Variants in DCTN1 observed in about 807,000 individuals in gnomAD.
DCTN1 encodes 150 kDa dynein-associated polypeptide.
In DCTN1, 61 loss-of-function variants were observed where a neutral mutation model predicts 161.2. The observed-to-expected ratio is 0.38, with a 90% CI of 0.31 to 0.47. DCTN1 has a LOEUF of 0.47. Among genes scored for constraint, DCTN1 ranks in the 20% least tolerant of loss-of-function variants. The pLI, the probability that DCTN1 is intolerant of heterozygous loss-of-function variation, is 0.99. For synonymous variants in DCTN1, 653 were observed against 632.4 expected (o/e 1.03, Z -0.49); for missense variants, 1,404 against 1,623.7 (o/e 0.86, Z 2.33).
chr2:74,380,370 C>G (rs1452590010), upstream of DCTN1: 1 of 513,502 alleles, frequency 1.9e-6, no homozygotes, highest in Admixed American at 2.5e-5. Context: ...CCTAGTGCCC[C>G]CCTGCTTCAC....
Position 74,370,189 on chromosome 2 carries a change from C to T in DCTN1, c.1284G>A (p.Glu428=). 1 of 1,613,830 alleles carries T rather than the reference C, an allele frequency of 6.2e-7. No individual in the cohort carries two copies. Among genetic ancestry groups the T allele is most frequent in the East Asian group, 2.2e-5 (1 of 44,880 alleles). Residue 428 remains glutamate, a synonymous_variant, in exon 12 of 32, where the codon GAG becomes GAA. Coordinates refer to ENST00000628224, the MANE Select transcript of DCTN1 (RefSeq NM_004082.5). This position sits in a 1 kb window ranked among gnomAD's most constrained non-coding sequence, Gnocchi z 4.4. Reference sequence around the variant, plus strand: ...TGAGGGGCTGGGCTCCCCAGACCTGCTCCTTGAGCTCATCAATGGTGCTCT... The same window carrying T: ...TGAGGGGCTGGGCTCCCCAGACCTGTTCCTTGAGCTCATCAATGGTGCTCT... The part of the protein sequence containing the change: ...QAESTIDELK[E]QVDAALGAEE...
chr2:74,375,691 C>A (rs1265620379), intron 5 of DCTN1, among the ~76,000 whole-genome samples: 3 of 152,130 alleles, frequency 2.0e-5, no homozygotes, highest in Non-Finnish European at 4.4e-5. Context: ...AAGGACAAAG[C>A]CAAGTTTCTA....
chr2:74,391,609 A>G, intron 1 of DCTN1: 1 of 354,548 alleles, frequency 2.8e-6, no homozygotes, highest in South Asian at 2.1e-5. Context: ...TAGGCTGAAG[A>G]GCTGAGGTGG....
intron 3 of DCTN1, 88 bp from the exon 4 acceptor site, chr2:74,377,554 AATCTT>A (rs1490072809): frequency 6.5e-7 from 1 of 1,530,120 alleles, no homozygotes; most frequent in Admixed American, 1.7e-5. Flanking sequence ...GACGGAAAAA[AATCTT>A]AGGATCTACT....
chr2:74,382,938 G>A (rs1399257754), upstream of DCTN1, among the ~76,000 whole-genome samples: 3 of 151,646 alleles, frequency 2.0e-5, no homozygotes, highest in Non-Finnish European at 2.9e-5. Context: ...AGCCGGGCGC[G>A]GTGGCGGGCG....
At chr2:74,380,645 C>A, upstream of DCTN1, 1 of 455,002 alleles carries the variant, frequency 2.2e-6, no homozygotes, top group Non-Finnish European at 4.6e-6. Flanking sequence ...TTCTCTCTCC[C>A]TCCCCTCTCT....
At chr2:74,362,023 C>A (rs930219634) in intron 31 of DCTN1, 29 bp downstream of exon 31, 1 of 1,609,572 alleles carries the variant, frequency 6.2e-7, no homozygotes, top group South Asian at 1.1e-5. Context: ...TCCACACTGT[C>A]CCATCCTCCA....
intron 5 of DCTN1, among the ~76,000 whole-genome samples, chr2:74,375,371 A>G (rs1381147377): frequency 6.6e-6 from 1 of 152,242 alleles, no homozygotes; most frequent in East Asian, 1.9e-4. Flanking sequence ...GGGTGAGAGC[A>G]GGGGCCCTCT....
chr2:74,364,477 C>T, intron 26 of DCTN1: 1 of 169,488 alleles, frequency 5.9e-6, no homozygotes, highest in Admixed American at 5.4e-5. Context: ...AAGACAGCAG[C>T]AGCCACCTCC....
chr2:74,365,105 T>C lies in DCTN1; in HGVS notation c.3166A>G (p.Ile1056Val), dbSNP rs757971189. 1.9e-6 allele frequency: 3 copies of C among 1,613,992 alleles called. No homozygotes were observed. Among genetic ancestry groups the C allele is most frequent in the East Asian group, 2.2e-5 (1 of 44,894 alleles). ...EGLRGPPPSG[I>V]ATLVSGIAGE... ...GCAATGCCAGAGACCAGAGTAGCAA[T>C]GCCTGAAGGAGGAGGGCCCCGGAGT... is the stretch of plus-strand genomic sequence containing the variant. The change falls in exon 26 of 32, where the codon ATT becomes GTT. Residue 1056 changes from isoleucine to valine, a missense_variant. By Grantham distance (29) the Ile-to-Val change is conservative. Coordinates refer to ENST00000628224, the MANE Select transcript of DCTN1 (RefSeq NM_004082.5).
At chr2:74,378,581 T>C (rs1675360089) in intron 1 of DCTN1, among the ~76,000 whole-genome samples, 1 of 152,104 alleles carries the variant, frequency 6.6e-6, no homozygotes, top group Admixed American at 6.5e-5. Flanking sequence ...GGAGGGGAAA[T>C]AAGATCAAGC....
chr2:74,377,948 A>G (rs1412361851), intron 2 of DCTN1, 52 bp downstream of exon 2: 2 of 1,611,124 alleles, frequency 1.2e-6, no homozygotes, highest in African/African-American at 1.3e-5. Context: ...TCAGCTGCAC[A>G]TGCGACAGAC....
chr2:74,380,434 C>T (rs1310028890), upstream of DCTN1: 3 of 490,446 alleles, frequency 6.1e-6, no homozygotes, highest in Non-Finnish European at 1.2e-5. Flanking sequence ...GCACTCAACT[C>T]TTGAATACAC....
At chr2:74,380,582 T>C (rs1354233033), upstream of DCTN1, 2 of 471,544 alleles carry the variant, frequency 4.2e-6, no homozygotes, top group African/African-American at 4.0e-5. Flanking sequence ...ATCAGCTGCC[T>C]AGAGCCTCCA....
Position 74,371,555 on chromosome 2 carries a change from CG to C in DCTN1, c.626del (p.Pro209ArgfsTer12). 6.3e-7 allele frequency: 1 copy of C among 1,578,240 alleles called. No homozygotes were observed. The highest frequency in any genetic ancestry group is 8.6e-7 in the Non-Finnish European group (1 of 1,162,248). On this transcript the variant is annotated frameshift_variant, in exon 8 of 32. Transcript: ENST00000628224. LOFTEE classifies it high-confidence loss of function. Reference protein sequence around the residue: ...PVLTSPGAVPPLPSPSKEEEG... With the variant: ...PVLTSPGAVPXLPSPSKEEEG... ...GCCTTACCTTGGATGGGGAAGGAAG[CG>C]GGGGGACTGCTCCAGGAGAGGTGAG... is the stretch of plus-strand genomic sequence containing the variant.
In DCTN1 at chr2:74,378,219, C is replaced by T. The variant is rs150204862; in HGVS notation, c.60G>A (p.Ala20=). 148 of 1,610,682 alleles carry T rather than the reference C, an allele frequency of 9.2e-5. No individual in the cohort carries two copies. The highest frequency in any genetic ancestry group is 8.7e-4 in the South Asian group (79 of 91,078). The change falls in exon 2 of 32, where the codon GCG becomes GCA. Residue 20 remains alanine (A), a synonymous_variant. Transcript: ENST00000628224. ...SRTPSGSRMS[A]EASARPLRVG... is the part of the protein sequence containing the mutation. ...CCCGCAGAGGCCGGGCGCTTGCCTC[C>T]GCACTCATCCTGCTGCCGCTGGGCG... is the stretch of plus-strand genomic sequence containing the variant.
rs1239381112 is a variant in DCTN1, at chr2:74,370,911, G to C, written c.843+68C>G. On this transcript the variant is annotated intron_variant, in intron 9 of 31. Transcript: ENST00000628224. This position sits in a 1 kb window ranked among gnomAD's most constrained non-coding sequence, Gnocchi z 4.4. The stretch of plus-strand genomic sequence containing the variant: ...CAGTATGTTCCAGGCTCCAGCTCCA[G>C]TCTAGTTTCCAGCATGCTTCCTTAG... 19 of 1,613,392 alleles carry C rather than the reference G, an allele frequency of 1.2e-5. No homozygotes were observed. The East Asian group carries it at 3.3e-4, about 28-fold the overall frequency.
intron 8 of DCTN1, 176 bp downstream of exon 8, chr2:74,371,361 A>T: frequency 1.5e-6 from 2 of 1,355,732 alleles, no homozygotes; most frequent in Non-Finnish European, 1.0e-6. Context: ...GTATGGCATA[A>T]GGGCAAGAAA....
chr2:74,384,446 T>C (rs903398611), upstream of DCTN1, among the ~76,000 whole-genome samples: 6 of 152,228 alleles, frequency 3.9e-5, no homozygotes, highest in African/African-American at 1.4e-4. Flanking sequence ...CAGACACCTC[T>C]TGGATTTCTA....
Sources: allele counts gnomAD v4.1 joint callset (sites outside exome capture counted in the v4.1 genomes callset), GRCh38; gene constraint gnomAD v4.1.1; non-coding constraint Gnocchi (gnomAD v3.1); transcripts MANE v1.5; gene names NCBI Gene and HGNC (gene_info 2026-07-23, HGNC 2026-07-21).